Variants in SH3TC2 observed in about 807,000 individuals in gnomAD.
The protein encoded by SH3TC2 is SH3 domain and tetratricopeptide repeat-containing protein 2.
A neutral mutation model predicts 124.5 loss-of-function variants in SH3TC2; 87 were observed. The ratio of observed to expected loss-of-function variants is 0.70; its 90% CI spans 0.59 to 0.84. SH3TC2 has a LOEUF of 0.84. Among genes scored for constraint, SH3TC2 ranks in the 40% least tolerant of loss-of-function variants. The pLI is 0.00. For synonymous variants in SH3TC2, 634 were observed against 628.5 expected, an observed-to-expected ratio of 1.01 and a Z score of -0.13; for missense variants, 1,536 against 1,566.4, an observed-to-expected ratio of 0.98 and a Z score of 0.33.
chr5:148,996,776 C>T lies in SH3TC2; in HGVS notation c.*7935G>A, dbSNP rs561392497. Among the ~76,000 whole-genome samples, 15 of 152,204 alleles carry T rather than the reference C, an allele frequency of 9.9e-5. No homozygotes were observed. Among genetic ancestry groups the T allele is most frequent in the South Asian group, 8.3e-4 (4 of 4,822 alleles). On this transcript the variant is annotated 3_prime_UTR_variant, in exon 17 of 17. Coordinates refer to ENST00000515425, the MANE Select transcript of SH3TC2 (RefSeq NM_024577.4). ...AAGTCACCTTCACACATATTTGGCCCGTGCAAGGAAGATCAAGTAGCTGAG... is the reference window on the plus strand; with the variant it reads ...AAGTCACCTTCACACATATTTGGCCTGTGCAAGGAAGATCAAGTAGCTGAG...
At position 148,997,527 on chromosome 5, in the gene SH3TC2, A is replaced by G. The variant is rs1267399318; in HGVS notation, c.*7184T>C. On this transcript the variant is annotated 3_prime_UTR_variant, in exon 17 of 17. Transcript: ENST00000515425. The stretch of plus-strand genomic sequence containing the variant: ...AGTCAGTTCTCTCCAATCCTGTTCT[A>G]AAGTAACCAATTTTGATTGATTCAA... Among the ~76,000 whole-genome samples the G allele has an allele frequency of 6.6e-6, 1 of 152,176 alleles. No homozygotes were observed. The highest frequency in any genetic ancestry group is 1.5e-5 in the Non-Finnish European group (1 of 68,028).
chr5:149,060,320 G>A (rs1250901469), intron 1 of SH3TC2, among the ~76,000 whole-genome samples: 1 of 152,144 alleles, frequency 6.6e-6, no homozygotes, highest in East Asian at 1.9e-4. Flanking sequence ...GATAGGGTGG[G>A]GAAGTCAGAG....
At chr5:149,041,395 A>T in intron 6 of SH3TC2, 21 bp downstream of exon 6, 1 of 1,611,658 alleles carries the variant, frequency 6.2e-7, no homozygotes, top group Non-Finnish European at 8.5e-7. Flanking sequence ...ACTTGCTCCC[A>T]GGAGGCAGAT....
rs1357309606 is a variant in SH3TC2, at chr5:148,991,487, T to C, written c.*13224A>G. Among the ~76,000 whole-genome samples the C allele has an allele frequency of 6.6e-6, 1 of 152,208 alleles. No individual in the cohort carries two copies. Among genetic ancestry groups the C allele is most frequent in the Admixed American group, 6.5e-5 (1 of 15,282 alleles). On this transcript the variant is annotated 3_prime_UTR_variant, in exon 17 of 17. Transcript: ENST00000515425. ...CAGGACCCAGGAGTCTTTGGAAGTTTCTTGAGTGGGCTTCCACCTTAGCTT... is the reference window on the plus strand; with the variant it reads ...CAGGACCCAGGAGTCTTTGGAAGTTCCTTGAGTGGGCTTCCACCTTAGCTT...
chr5:149,039,112 G>T (rs1239290424), intron 7 of SH3TC2, among the ~76,000 whole-genome samples: 1 of 152,224 alleles, frequency 6.6e-6, no homozygotes, highest in Non-Finnish European at 1.5e-5. Flanking sequence ...ATAGAAAGCT[G>T]CTAATGACTT....
At position 149,004,478 on chromosome 5, in the gene SH3TC2, C is replaced by A. The variant is rs945880469; in HGVS notation, c.*233G>T. ...TGTTTGTGTGGAAGGCAACAGTCAA[C>A]CGGTAAAGGCTCCAGATGCAAAGCC... On this transcript the variant is annotated 3_prime_UTR_variant, in exon 17 of 17. Coordinates refer to ENST00000515425, the MANE Select transcript of SH3TC2 (RefSeq NM_024577.4). 25 of 555,570 alleles carry A rather than the reference C, an allele frequency of 4.5e-5. No individual in the cohort carries two copies. In the African/African-American group the frequency reaches 4.7e-4, roughly 10 times the overall value. The allele number at this position is 555,570 out of a possible 1,614,324, so 34.4% of individuals were successfully genotyped here.
In SH3TC2 at chr5:149,047,990, C is replaced by G; in HGVS notation, c.152-1G>C. 1 of 1,613,866 alleles carries G rather than the reference C, an allele frequency of 6.2e-7. No homozygotes were observed. The highest frequency in any genetic ancestry group is 8.5e-7 in the Non-Finnish European group (1 of 1,179,910). ...TTTACACAGAAGGAGAGTGTCAGGT[C>G]TTAAAGAGAACAGAGAGAGAAGGAT... On this transcript the variant is annotated splice_acceptor_variant, in intron 2 of 16. Transcript: ENST00000515425. LOFTEE classifies it high-confidence loss of function.
intron 1 of SH3TC2, among the ~76,000 whole-genome samples, chr5:149,056,098 C>A (rs1355176124): frequency 6.6e-6 from 1 of 151,692 alleles, no homozygotes; most frequent in Admixed American, 6.6e-5. Context: ...TTACTGACCT[C>A]AACATTCTTT....
intron 3 of SH3TC2, 120 bp downstream of exon 3, chr5:149,047,742 C>T (rs1754488430): frequency 4.0e-6 from 5 of 1,251,068 alleles, no homozygotes; most frequent in East Asian, 2.4e-5. Context: ...ATTCAGTCTA[C>T]CTATTAGATG....
chr5:149,003,849 CAAAAA>C lies in SH3TC2; in HGVS notation c.*857_*861del, dbSNP rs5872107. The C allele has an allele frequency of 0.048, 8,084 of 170,020 alleles. 34 individuals are homozygous for C. The highest frequency in any genetic ancestry group is 0.056 in the South Asian group (1,272 of 22,904). The allele number at this position is 170,020 out of a possible 1,614,324, so 10.5% of individuals were successfully genotyped here. A position where few individuals can be genotyped will look rare whatever the true frequency, so the allele number is the denominator to read the frequency against. The stretch of plus-strand genomic sequence containing the variant: ...CTGGGCAACAGAGGAGAAACTGTCT[CAAAAA>C]AAAAAAAAAAAAAAAAAGACATGTA... On this transcript the variant is annotated 3_prime_UTR_variant, in exon 17 of 17. Coordinates refer to ENST00000515425, the MANE Select transcript of SH3TC2 (RefSeq NM_024577.4).
chr5:149,018,695 G>A (rs767911245), intron 12 of SH3TC2, among the ~76,000 whole-genome samples: 6 of 152,140 alleles, frequency 3.9e-5, no homozygotes, highest in Middle Eastern at 3.2e-3. Context: ...TGGGGATACA[G>A]CCAAACCATG....
intron 8 of SH3TC2, among the ~76,000 whole-genome samples, chr5:149,032,065 A>G (rs1754204103): frequency 6.6e-6 from 1 of 152,170 alleles, no homozygotes; most frequent in Non-Finnish European, 1.5e-5. Context: ...CCCTAAATGG[A>G]AGGGTTGAAA....
chr5:149,049,075 T>C (rs927451117), intron 2 of SH3TC2, among the ~76,000 whole-genome samples: 8 of 152,216 alleles, frequency 5.3e-5, no homozygotes, highest in African/African-American at 1.7e-4. Context: ...AGCTGTGGAC[T>C]TCTACCTTTA....
At chr5:149,035,853 T>A (rs1561767947) in intron 8 of SH3TC2, 2 of 152,194 alleles carry the variant, frequency 1.3e-5, no homozygotes, top group South Asian at 4.1e-4. Flanking sequence ...TAGTGCTGAC[T>A]TACTGTCATT....
At chr5:149,054,541 A>T (rs1754610438) in intron 1 of SH3TC2, among the ~76,000 whole-genome samples, 1 of 147,922 alleles carries the variant, frequency 6.8e-6, no homozygotes, top group Admixed American at 6.9e-5. Context: ...ACTACAGCAA[A>T]CCCACAAACA....
intron 1 of SH3TC2, among the ~76,000 whole-genome samples, chr5:149,061,830 T>C (rs1754755379): frequency 6.6e-6 from 1 of 152,032 alleles, no homozygotes; most frequent in Non-Finnish European, 1.5e-5. Context: ...GACTGAAAAG[T>C]GTTTACATCT....
At chr5:149,012,930 G>T (rs1439770404) in intron 12 of SH3TC2, among the ~76,000 whole-genome samples, 196 bp from the exon 13 acceptor site, 1 of 152,062 alleles carries the variant, frequency 6.6e-6, no homozygotes, top group African/African-American at 2.4e-5. Context: ...TCTGTGCCTT[G>T]GTTTCCTTAT....
Position 148,988,378 on chromosome 5 carries a change from T to C in SH3TC2, c.*16333A>G, listed in dbSNP as rs921221354. 6.6e-6 allele frequency among the ~76,000 whole-genome samples: 1 copy of C among 152,146 alleles called. No individual in the cohort carries two copies. Among genetic ancestry groups the C allele is most frequent in the Non-Finnish European group, 1.5e-5 (1 of 68,000 alleles). ...CATGCCATTGAGTAATCCCCTCCTA[T>C]ACCAGCTCTAGGCTGGCTTTGTATA... On this transcript the variant is annotated 3_prime_UTR_variant, in exon 17 of 17. Coordinates refer to ENST00000515425, the MANE Select transcript of SH3TC2 (RefSeq NM_024577.4).
intron 9 of SH3TC2, among the ~76,000 whole-genome samples, chr5:149,031,055 C>T (rs961203725): frequency 6.6e-6 from 1 of 152,246 alleles, no homozygotes; most frequent in African/African-American, 2.4e-5. Flanking sequence ...CATTTTGTGT[C>T]AGGGGCAGTG....
Sources: gnomAD v4.1 joint callset for allele counts (sites outside exome capture counted in the v4.1 genomes callset) on GRCh38, gnomAD v4.1.1 for gene constraint, MANE v1.5 for transcripts, NCBI Gene and HGNC (gene_info 2026-07-23, HGNC 2026-07-21) for gene names.